The following TCF4 variants were observed in gnomAD, a reference collection of about 807,000 sequenced individuals.
TCF4 encodes the protein SL3-3 enhancer factor 2.
Under a neutral mutation model 82.1 loss-of-function variants are expected in TCF4, and 3 were observed. That is an observed-to-expected ratio of 0.04 (90% CI 0.02 to 0.09). TCF4 has a LOEUF of 0.09. Among genes scored for constraint, TCF4 ranks in the 10% least tolerant of loss-of-function variants. The pLI is 1.00. For synonymous variants in TCF4, 276 were observed against 309.6 expected (o/e 0.89, Z 1.14); for missense variants, 518 against 852.7 (o/e 0.61, Z 4.89).
intron 14 of TCF4, 135 bp downstream of exon 14, chr18:55,257,180 C>G (rs1568489987): frequency 2.2e-6 from 2 of 894,630 alleles, no homozygotes. Context: ...ACTCTGGCTC[C>G]CGCAAACCTG....
At chr18:55,367,036 T>C (rs1370531609) in intron 6 of TCF4, among the ~76,000 whole-genome samples, 1 of 152,222 alleles carries the variant, frequency 6.6e-6, no homozygotes, top group Non-Finnish European at 1.5e-5. Context: ...TATGGTTCAA[T>C]CACCCAGGTT....
At chr18:55,604,763 A>G (rs2147952935) in intron 2 of TCF4, among the ~76,000 whole-genome samples, 1 of 152,282 alleles carries the variant, frequency 6.6e-6, no homozygotes, top group African/African-American at 2.4e-5. Context: ...GAGTGGAGTT[A>G]TAAGAAGGTT....
intron 3 of TCF4, chr18:55,496,291 C>T (rs79440829): frequency 6.6e-6 from 1 of 152,082 alleles, no homozygotes; most frequent in Non-Finnish European, 1.5e-5. Flanking sequence ...AATTATGAAG[C>T]TTATCTAAAT....
chr18:55,601,580 T>C (rs2097697064), intron 2 of TCF4, among the ~76,000 whole-genome samples: 1 of 151,918 alleles, frequency 6.6e-6, no homozygotes, highest in African/African-American at 2.4e-5. Flanking sequence ...GGTCAGGAGT[T>C]TAAGACCAGC....
At chr18:55,314,981 T>G (rs1392936128) in intron 8 of TCF4, among the ~76,000 whole-genome samples, 1 of 152,110 alleles carries the variant, frequency 6.6e-6, no homozygotes, top group Non-Finnish European at 1.5e-5. Flanking sequence ...CATCCCCTAT[T>G]CATTTTCAGG....
At chr18:55,436,571 C>T (rs73477288) in intron 5 of TCF4, among the ~76,000 whole-genome samples, 3,109 of 152,106 alleles carry the variant, frequency 0.02, 94 homozygotes, top group African/African-American at 0.07. Context: ...AACAGAAGCA[C>T]AAAAGAAGCA....
At chr18:55,453,561 A>C (rs2095669207) in intron 5 of TCF4, among the ~76,000 whole-genome samples, 1 of 152,052 alleles carries the variant, frequency 6.6e-6, no homozygotes, top group Non-Finnish European at 1.5e-5. Flanking sequence ...TTCAAGTAAC[A>C]TTTTTCTGTT....
chr18:55,343,890 T>C (rs111829584), intron 8 of TCF4, among the ~76,000 whole-genome samples: 2 of 152,100 alleles, frequency 1.3e-5, no homozygotes, highest in African/African-American at 4.8e-5. Flanking sequence ...CCGGGGATAG[T>C]AGAAATTGAT....
At chr18:55,359,123 G>A (rs751345947) in intron 6 of TCF4, among the ~76,000 whole-genome samples, 3 of 152,156 alleles carry the variant, frequency 2.0e-5, no homozygotes, top group Non-Finnish European at 4.4e-5. Flanking sequence ...ATGTGAGGCT[G>A]TAGAACAGCA....
intron 8 of TCF4, among the ~76,000 whole-genome samples, chr18:55,343,785 T>C (rs1402901514): frequency 6.6e-6 from 1 of 152,152 alleles, no homozygotes; most frequent in Non-Finnish European, 1.5e-5. Flanking sequence ...TTTAAAACTA[T>C]AAGTTTTGCA....
At chr18:55,514,443 A>C (rs745689760) in intron 3 of TCF4, among the ~76,000 whole-genome samples, 73 of 104,470 alleles carry the variant, frequency 7.0e-4, no homozygotes, top group Non-Finnish European at 1.3e-3. Context: ...ACACACACAC[A>C]CACCCCAATC....
chr18:55,422,136 A>AC, intron 5 of TCF4: 1 of 842,126 alleles, frequency 1.2e-6, no homozygotes. Context: ...AAAAAAAAAA[A>AC]AAAAAAAAAA....
intron 3 of TCF4, among the ~76,000 whole-genome samples, chr18:55,467,115 T>G (rs750938819): frequency 1.1e-4 from 16 of 152,210 alleles, no homozygotes; most frequent in Non-Finnish European, 2.2e-4. Context: ...ATCATATGAA[T>G]TCTAATTATA....
At chr18:55,482,202 T>C (rs1468598610) in intron 3 of TCF4, 1 of 152,184 alleles carries the variant, frequency 6.6e-6, no homozygotes, top group Non-Finnish European at 1.5e-5. Flanking sequence ...CTCATGGTCA[T>C]AGGATTCCAG....
At chr18:55,484,882 T>C (rs2145669220) in intron 3 of TCF4, among the ~76,000 whole-genome samples, 1 of 152,342 alleles carries the variant, frequency 6.6e-6, no homozygotes, top group East Asian at 1.9e-4. Flanking sequence ...GTATAATTGC[T>C]ATTTGTTCAC....
At chr18:55,429,038 T>C (rs1183798248) in intron 5 of TCF4, among the ~76,000 whole-genome samples, 1 of 152,202 alleles carries the variant, frequency 6.6e-6, no homozygotes. Flanking sequence ...ACCGAGCATA[T>C]TAAATATATT....
intron 5 of TCF4, among the ~76,000 whole-genome samples, chr18:55,451,058 G>GC (rs1380814294): frequency 9.2e-5 from 14 of 152,134 alleles, no homozygotes; most frequent in Admixed American, 7.9e-4. Context: ...TTGTGGACTG[G>GC]CTAAAAAAGA....
intron 8 of TCF4, among the ~76,000 whole-genome samples, chr18:55,348,424 A>C (rs1419251832): frequency 6.6e-6 from 1 of 152,208 alleles, no homozygotes; most frequent in Non-Finnish European, 1.5e-5. Flanking sequence ...TAAGAAGAGT[A>C]AATCCTAAAC....
At chr18:55,446,505 C>A (rs958849657) in intron 5 of TCF4, among the ~76,000 whole-genome samples, 1 of 152,154 alleles carries the variant, frequency 6.6e-6, no homozygotes, top group Admixed American at 6.5e-5. Context: ...GATCTTGCTT[C>A]AAATCTGGAT....
Sources: gnomAD v4.1 joint callset for allele counts (sites outside exome capture counted in the v4.1 genomes callset) on GRCh38, gnomAD v4.1.1 for gene constraint, MANE v1.5 for transcripts, NCBI Gene and HGNC (gene_info 2026-07-23, HGNC 2026-07-21) for gene names.